CSMD1: variants seen among roughly 807,000 people sequenced by gnomAD.
CSMD1 encodes CUB and sushi domain-containing protein 1.
CSMD1 carries 213 observed loss-of-function variants against 417.5 expected under a neutral mutation model. The observed-to-expected ratio is 0.51, with a 90% CI of 0.46 to 0.57. The LOEUF is 0.57. Ranked by LOEUF, CSMD1 falls within the 20% of genes least tolerant of loss-of-function variation. CSMD1 has a pLI of 0.00. For synonymous variants in CSMD1, 2,862 were observed against 1,736.8 expected (o/e 1.65, Z -16.11); for missense variants, 6,923 against 4,529.7 (o/e 1.53, Z -15.17).
intron 11 of CSMD1, among the ~76,000 whole-genome samples, chr8:3,493,319 G>A (rs1042219527): frequency 7.5e-5 from 11 of 146,216 alleles, no homozygotes; most frequent in Admixed American, 2.0e-4. Context: ...AAAAGGGGGG[G>A]CGGAGGGGTT....
chr8:3,824,749 T>C (rs117905697), intron 5 of CSMD1, among the ~76,000 whole-genome samples: 4,041 of 152,254 alleles, frequency 0.027, 78 homozygotes, highest in African/African-American at 0.05. Context: ...AAATGAGATG[T>C]GGCTCACATT....
At chr8:4,323,578 G>C (rs1435702697) in intron 3 of CSMD1, among the ~76,000 whole-genome samples, 1 of 152,106 alleles carries the variant, frequency 6.6e-6, no homozygotes, top group Non-Finnish European at 1.5e-5. Flanking sequence ...GCTTTCCAAG[G>C]TGTTTGAGTG....
At chr8:4,093,983 T>C (rs990706890) in intron 3 of CSMD1, among the ~76,000 whole-genome samples, 14 of 136,208 alleles carry the variant, frequency 1.0e-4, no homozygotes, top group South Asian at 1.0e-3. Flanking sequence ...GATAGATAGA[T>C]AGATAGATAG....
intron 6 of CSMD1, among the ~76,000 whole-genome samples, chr8:3,716,184 G>T (rs1023095743): frequency 2.0e-5 from 3 of 152,174 alleles, no homozygotes; most frequent in Non-Finnish European, 4.4e-5. Flanking sequence ...GATGGGTGTT[G>T]CCTATGGCAC....
chr8:3,320,952 G>A (rs1359431792), intron 23 of CSMD1, among the ~76,000 whole-genome samples: 3 of 152,166 alleles, frequency 2.0e-5, no homozygotes, highest in East Asian at 3.9e-4. Flanking sequence ...AAAGCAAAAT[G>A]GAGTACGTAA....
At chr8:3,251,979 T>G (rs191006547) in intron 26 of CSMD1, among the ~76,000 whole-genome samples, 1 of 152,336 alleles carries the variant, frequency 6.6e-6, no homozygotes, top group East Asian at 1.9e-4. Flanking sequence ...GACAATGCGG[T>G]TTTCTAGATA....
intron 1 of CSMD1, among the ~76,000 whole-genome samples, chr8:4,855,200 G>C (rs200344562): frequency 6.7e-6 from 1 of 149,508 alleles, no homozygotes; most frequent in Non-Finnish European, 1.5e-5. Context: ...TGCAGCTGAC[G>C]GTCCTCTTTG....
intron 3 of CSMD1, among the ~76,000 whole-genome samples, chr8:4,344,595 G>T (rs530260168): frequency 2.0e-5 from 3 of 151,188 alleles, no homozygotes; most frequent in Admixed American, 6.6e-5. Flanking sequence ...ACAATGACTC[G>T]CTGGGTTATG....
intron 37 of CSMD1, among the ~76,000 whole-genome samples, chr8:3,169,942 T>C (rs961502740): frequency 1.3e-5 from 2 of 152,054 alleles, no homozygotes; most frequent in African/African-American, 4.8e-5. Flanking sequence ...CTCCCCTCTC[T>C]CCCATCACAC....
intron 5 of CSMD1, among the ~76,000 whole-genome samples, chr8:3,968,961 C>G (rs2627462): frequency 6.6e-6 from 1 of 151,996 alleles, no homozygotes; most frequent in Admixed American, 6.6e-5. Flanking sequence ...TTACTAAGAC[C>G]TAATGCAGGG....
chr8:4,615,534 A>G (rs1023400902), intron 2 of CSMD1, among the ~76,000 whole-genome samples: 1 of 152,228 alleles, frequency 6.6e-6, no homozygotes, highest in African/African-American at 2.4e-5. Flanking sequence ...AATATTGCAT[A>G]TTTAGCAAAT....
intron 1 of CSMD1, among the ~76,000 whole-genome samples, chr8:4,697,658 T>C (rs1344169561): frequency 1.3e-5 from 2 of 152,154 alleles, no homozygotes; most frequent in Admixed American, 6.5e-5. Flanking sequence ...TATTAGTTGC[T>C]GGTTACACGA....
chr8:4,856,018 G>C (rs938340501), intron 1 of CSMD1, among the ~76,000 whole-genome samples: 5 of 151,926 alleles, frequency 3.3e-5, no homozygotes, highest in African/African-American at 7.3e-5. Context: ...CAGAGAGAAA[G>C]GTCGGGTTAC....
intron 5 of CSMD1, among the ~76,000 whole-genome samples, chr8:3,832,896 A>C (rs1349794285): frequency 6.6e-6 from 1 of 152,210 alleles, no homozygotes; most frequent in East Asian, 1.9e-4. Context: ...CCCATATTGC[A>C]TAAGCAACAC....
chr8:3,340,014 TA>T (rs1359424776), intron 23 of CSMD1, among the ~76,000 whole-genome samples: 1 of 152,244 alleles, frequency 6.6e-6, no homozygotes, highest in Non-Finnish European at 1.5e-5. Flanking sequence ...GCAACGTATT[TA>T]TTCCGATTTG....
intron 5 of CSMD1, among the ~76,000 whole-genome samples, chr8:3,905,017 G>C (rs1222884021): frequency 6.6e-6 from 1 of 152,048 alleles, no homozygotes. Context: ...ATACTCTTCA[G>C]CTAGAACTTG....
chr8:4,646,371 C>A lies in CSMD1; in HGVS notation c.86-8813G>T, dbSNP rs188784671. On this transcript the variant is annotated intron_variant, in intron 1 of 69. Coordinates refer to ENST00000635120, the MANE Select transcript of CSMD1 (RefSeq NM_033225.6). The stretch of plus-strand genomic sequence containing the variant: ...ACATTTGAAATCATGCTATGTATTA[C>A]TCTTGCTTTAATACGGGTGAAGCCA... Among the ~76,000 whole-genome samples, 870 of 152,244 alleles carry A rather than the reference C, an allele frequency of 5.7e-3. 9 individuals carry two copies. The highest frequency in any genetic ancestry group is 0.02 in the African/African-American group (831 of 41,536).
chr8:4,582,001 A>C (rs1248925490), intron 2 of CSMD1, among the ~76,000 whole-genome samples: 1 of 152,180 alleles, frequency 6.6e-6, no homozygotes. Flanking sequence ...AAATCTCAGT[A>C]GCCTACGATG....
intron 5 of CSMD1, among the ~76,000 whole-genome samples, chr8:3,808,656 T>A (rs965595001): frequency 2.6e-5 from 4 of 152,144 alleles, no homozygotes; most frequent in Non-Finnish European, 5.9e-5. Flanking sequence ...CCAAGGGACT[T>A]AGGTCTTGTT....
Sources: allele counts gnomAD v4.1 joint callset (sites outside exome capture counted in the v4.1 genomes callset), GRCh38; gene constraint gnomAD v4.1.1; transcripts MANE v1.5; gene names NCBI Gene and HGNC (gene_info 2026-07-23, HGNC 2026-07-21).